The following NRCAM variants were observed in gnomAD, a reference collection of about 807,000 sequenced individuals.
NRCAM encodes neuronal cell adhesion molecule.
In NRCAM, 83 loss-of-function variants were observed where a neutral mutation model predicts 156.5. That is an observed-to-expected ratio of 0.53 (90% CI 0.44 to 0.64). The LOEUF (loss-of-function observed/expected upper bound fraction) is 0.64, where lower values mean the gene tolerates loss of function less well. NRCAM is among the 30% of genes least tolerant of loss of function. NRCAM has a pLI of 0.00. For missense variants in NRCAM, 1,417 were observed against 1,597.3 expected (o/e 0.89, Z 1.92); for synonymous variants, 538 against 563.9 (o/e 0.95, Z 0.65).
At chr7:108,255,238 C>T (rs1183657041) in intron 3 of NRCAM, among the ~76,000 whole-genome samples, 1 of 148,568 alleles carries the variant, frequency 6.7e-6, no homozygotes, top group Admixed American at 6.8e-5. Context: ...ACTGTACTGC[C>T]GCCATCTCGG....
At chr7:108,451,021 C>T (rs1349909369) in intron 1 of NRCAM, among the ~76,000 whole-genome samples, 1 of 152,038 alleles carries the variant, frequency 6.6e-6, no homozygotes, top group Non-Finnish European at 1.5e-5. Flanking sequence ...GGGTTGAAGA[C>T]CAGCTTGGCC....
chr7:108,242,310 C>G (rs1589684832), intron 3 of NRCAM, among the ~76,000 whole-genome samples: 2 of 145,292 alleles, frequency 1.4e-5, no homozygotes. Context: ...TATACACTTA[C>G]ATAAATATTA....
intron 3 of NRCAM, among the ~76,000 whole-genome samples, chr7:108,280,534 A>C (rs1450780958): frequency 6.6e-6 from 1 of 152,252 alleles, no homozygotes; most frequent in Non-Finnish European, 1.5e-5. Flanking sequence ...CAGCAATGAA[A>C]GATGAAACCC....
intron 11 of NRCAM, among the ~76,000 whole-genome samples, chr7:108,217,042 CTTT>C (rs775617989): frequency 0.16 from 23,755 of 152,106 alleles, 2,488 homozygotes; most frequent in Non-Finnish European, 0.24. Flanking sequence ...TTTTCCTCAT[CTTT>C]GTGGATTTAT....
chr7:108,269,153 G>A lies in NRCAM; in HGVS notation c.-106-28983C>T, dbSNP rs550077302. Among the ~76,000 whole-genome samples, 11 of 147,928 alleles carry A rather than the reference G, an allele frequency of 7.4e-5. No homozygotes were observed. In the East Asian group the frequency reaches 7.9e-4, roughly 11 times the overall value. On this transcript the variant is annotated intron_variant, in intron 3 of 32. Transcript: ENST00000379028. Reference sequence around the variant, plus strand: ...CATCAAAAACTCGAATCATGTCTTCGTGCTGTATTTGAAAAAAAAAAAAAA... The same window carrying A: ...CATCAAAAACTCGAATCATGTCTTCATGCTGTATTTGAAAAAAAAAAAAAA...
At chr7:108,412,583 T>G (rs1246253698) in intron 1 of NRCAM, among the ~76,000 whole-genome samples, 2 of 152,168 alleles carry the variant, frequency 1.3e-5, no homozygotes, top group African/African-American at 4.8e-5. Context: ...CTCTTAGCAC[T>G]TTTCAAGAAT....
chr7:108,365,552 G>C (rs1477171917), intron 2 of NRCAM, among the ~76,000 whole-genome samples: 1 of 151,984 alleles, frequency 6.6e-6, no homozygotes, highest in East Asian at 1.9e-4. Flanking sequence ...TAAAATCTAA[G>C]ATAATATGAA....
At chr7:108,151,091 T>A (rs1055923781) in intron 32 of NRCAM, among the ~76,000 whole-genome samples, 1 of 152,144 alleles carries the variant, frequency 6.6e-6, no homozygotes, top group Admixed American at 6.6e-5. Flanking sequence ...TGCTTATTTC[T>A]CTGTTGAACC....
At chr7:108,159,418 T>C (rs1164624508) in intron 32 of NRCAM, 45 bp downstream of exon 32, 2 of 1,513,988 alleles carry the variant, frequency 1.3e-6, no homozygotes, top group Non-Finnish European at 1.8e-6. Context: ...CGGGACTGTG[T>C]TCATGTGGGC....
At chr7:108,300,713 A>G (rs2098591434) in intron 3 of NRCAM, among the ~76,000 whole-genome samples, 1 of 152,076 alleles carries the variant, frequency 6.6e-6, no homozygotes. Flanking sequence ...TTTTTTTTCT[A>G]ATTTATTGTG....
At chr7:108,198,194 T>C in intron 13 of NRCAM, 95 bp from the exon 14 acceptor site, 3 of 851,140 alleles carry the variant, frequency 3.5e-6, no homozygotes, top group Non-Finnish European at 5.3e-6. Context: ...TAAAGACTGC[T>C]CTAAGTACAT....
intron 3 of NRCAM, among the ~76,000 whole-genome samples, chr7:108,255,413 C>T (rs1333693182): frequency 1.3e-5 from 2 of 152,290 alleles, no homozygotes; most frequent in East Asian, 3.9e-4. Flanking sequence ...AGTGATCTGC[C>T]CACCTGGGCC....
chr7:108,404,803 A>G (rs377327502), intron 1 of NRCAM, among the ~76,000 whole-genome samples: 3 of 152,192 alleles, frequency 2.0e-5, no homozygotes, highest in East Asian at 1.9e-4. Flanking sequence ...GATAAACACA[A>G]TGAGAGCCCT....
chr7:108,274,594 CCTGA>C (rs2097522353), intron 3 of NRCAM, among the ~76,000 whole-genome samples: 1 of 152,146 alleles, frequency 6.6e-6, no homozygotes, highest in South Asian at 2.1e-4. Flanking sequence ...GATTTTGTAT[CCTGA>C]GACTTTGCGG....
chr7:108,156,899 A>T (rs1210847766), intron 32 of NRCAM, among the ~76,000 whole-genome samples: 2 of 152,194 alleles, frequency 1.3e-5, no homozygotes, highest in Non-Finnish European at 2.9e-5. Context: ...TGTTTTCATT[A>T]ATTACAGCCT....
chr7:108,322,309 C>T (rs1318988773), intron 2 of NRCAM, among the ~76,000 whole-genome samples: 1 of 152,058 alleles, frequency 6.6e-6, no homozygotes, highest in African/African-American at 2.4e-5. Flanking sequence ...GCTCATTGAA[C>T]TGAATTTGAA....
chr7:108,263,534 G>A (rs554844847), intron 3 of NRCAM, among the ~76,000 whole-genome samples: 36 of 152,340 alleles, frequency 2.4e-4, no homozygotes, highest in African/African-American at 7.2e-4. Flanking sequence ...TCCTGCCAGC[G>A]CCATCTGGCA....
At chr7:108,219,522 C>G (rs1025114641) in intron 11 of NRCAM, among the ~76,000 whole-genome samples, 4 of 152,186 alleles carry the variant, frequency 2.6e-5, no homozygotes, top group African/African-American at 4.8e-5. Flanking sequence ...GGGTTGTATA[C>G]TAGGGATGCA....
chr7:108,294,604 A>C (rs562322121), intron 3 of NRCAM, among the ~76,000 whole-genome samples: 15 of 152,340 alleles, frequency 9.8e-5, no homozygotes, highest in African/African-American at 3.1e-4. Context: ...CAAAATAGAC[A>C]TATCCAAGGG....
Sources: allele counts gnomAD v4.1 joint callset (sites outside exome capture counted in the v4.1 genomes callset), GRCh38; gene constraint gnomAD v4.1.1; transcripts MANE v1.5; gene names NCBI Gene and HGNC (gene_info 2026-07-23, HGNC 2026-07-21).